The following NME7 variants were observed in gnomAD, a reference collection of about 807,000 sequenced individuals.
NME7 encodes NME/NM23 family member 7.
A neutral mutation model predicts 49.1 loss-of-function variants in NME7; 41 were observed. The observed-to-expected ratio is 0.83, with a 90% CI of 0.65 to 1.08. NME7 has a LOEUF of 1.08. Among genes scored for constraint, NME7 ranks in the 50% least tolerant of loss-of-function variants. The pLI, the probability that NME7 is intolerant of heterozygous loss-of-function variation, is 0.00. For missense variants in NME7, 423 were observed against 463.4 expected, an observed-to-expected ratio of 0.91 and a Z score of 0.80; for synonymous variants, 139 against 150.6, an observed-to-expected ratio of 0.92 and a Z score of 0.56.
intron 5 of NME7, among the ~76,000 whole-genome samples, chr1:169,301,439 A>G (rs1037898924): frequency 1.3e-5 from 2 of 152,106 alleles, no homozygotes; most frequent in Admixed American, 1.3e-4. Flanking sequence ...TGGCAAGACT[A>G]TAGAGGAAAG....
At chr1:169,277,394 GGATA>G (rs1453303626) in intron 7 of NME7, among the ~76,000 whole-genome samples, 1 of 140,180 alleles carries the variant, frequency 7.1e-6, no homozygotes, top group Non-Finnish European at 1.6e-5. Context: ...AATATATTTA[GGATA>G]GTTAGCTCTT....
Position 169,256,119 on chromosome 1 carries a change from A to G in NME7, c.755-18432T>C, listed in dbSNP as rs1227110235. On this transcript the variant is annotated intron_variant, in intron 7 of 11. Transcript: ENST00000367811. ...AATCTGAATGTTGGCCTGCCTTGCT[A>G]GATTGGGGAAGTTCTCCTGGATAAT... 1.5e-5 allele frequency among the ~76,000 whole-genome samples: 2 copies of G among 133,164 alleles called. 1 individual carries two copies. Among genetic ancestry groups the G allele is most frequent in the Non-Finnish European group, 3.5e-5 (2 of 56,756 alleles). The allele number at this position is 133,164 out of a possible 152,430, so 87.4% of individuals were successfully genotyped here. A position where few individuals can be genotyped will look rare whatever the true frequency, so the allele number is the denominator to read the frequency against.
chr1:169,194,814 C>T (rs142051871), intron 10 of NME7, among the ~76,000 whole-genome samples: 120 of 152,236 alleles, frequency 7.9e-4, no homozygotes, highest in Non-Finnish European at 1.4e-3. Flanking sequence ...AGAAAAAGTA[C>T]CTAATCCAAA....
chr1:169,353,417 T>C (rs1197738618), intron 1 of NME7, among the ~76,000 whole-genome samples: 1 of 152,096 alleles, frequency 6.6e-6, no homozygotes, highest in Non-Finnish European at 1.5e-5. Flanking sequence ...ATTAAAGACT[T>C]AAATTTAATA....
rs1293774569 is a variant in NME7, at chr1:169,324,409, T to G, written c.95A>C (p.Asp32Ala). 1.1e-5 allele frequency: 17 copies of G among 1,610,772 alleles called. No homozygotes were observed. The highest frequency in any genetic ancestry group is 1.7e-5 in the Admixed American group (1 of 59,976). Residue 32 changes from aspartate to alanine, a missense_variant, in exon 2 of 12, where the codon GAT becomes GCT. Transcript: ENST00000367811. ...RRYELLFYPGDGSVEMHDVKN... is the reference protein window; with the variant it reads ...RRYELLFYPGAGSVEMHDVKN... The stretch of plus-strand genomic sequence containing the variant: ...CTTATTTACCATTTCAACAGATCCA[T>G]CCCCTGGGTAAAATAAAAGCTCATA...
At chr1:169,246,843 T>G in intron 7 of NME7, 1 of 345,032 alleles carries the variant, frequency 2.9e-6, no homozygotes. Flanking sequence ...CCTCCCAAAG[T>G]GCTGGGATTA....
intron 6 of NME7, among the ~76,000 whole-genome samples, chr1:169,296,594 G>C (rs1650718113): frequency 1.3e-5 from 2 of 152,004 alleles, no homozygotes; most frequent in Non-Finnish European, 2.9e-5. Flanking sequence ...ACTCTAAGCT[G>C]TCACACTAAT....
At chr1:169,222,610 A>T (rs1171221989) in intron 10 of NME7, among the ~76,000 whole-genome samples, 1 of 152,182 alleles carries the variant, frequency 6.6e-6, no homozygotes, top group Non-Finnish European at 1.5e-5. Flanking sequence ...TGTTAAGACA[A>T]TAGAGGAACC....
At chr1:169,351,562 A>C (rs1653173127) in intron 1 of NME7, among the ~76,000 whole-genome samples, 1 of 151,998 alleles carries the variant, frequency 6.6e-6, no homozygotes, top group South Asian at 2.1e-4. Flanking sequence ...AATTAGAGGA[A>C]AAGAAATAAT....
intron 1 of NME7, among the ~76,000 whole-genome samples, chr1:169,335,672 T>A (rs1456599242): frequency 6.7e-6 from 1 of 148,294 alleles, no homozygotes; most frequent in East Asian, 1.9e-4. Context: ...CTGATTTTTT[T>A]AGAAGAAATA....
At chr1:169,164,400 T>G (rs1659344654) in intron 11 of NME7, among the ~76,000 whole-genome samples, 1 of 152,160 alleles carries the variant, frequency 6.6e-6, no homozygotes, top group Non-Finnish European at 1.5e-5. Flanking sequence ...AAACAGACAC[T>G]GTGCTGTAAT....
At chr1:169,300,731 A>C (rs1304592697) in intron 5 of NME7, among the ~76,000 whole-genome samples, 2 of 152,178 alleles carry the variant, frequency 1.3e-5, no homozygotes, top group Non-Finnish European at 1.5e-5. Flanking sequence ...TGGTACAAAA[A>C]CAGACACATA....
intron 9 of NME7, among the ~76,000 whole-genome samples, chr1:169,233,721 T>C (rs1399630685): frequency 2.0e-5 from 3 of 152,188 alleles, no homozygotes; most frequent in Non-Finnish European, 4.4e-5. Flanking sequence ...AAAGGTCATA[T>C]GTAATTGATT....
At chr1:169,319,046 TTTTAATTTTAA>T (rs1007363835) in intron 3 of NME7, among the ~76,000 whole-genome samples, 8 of 150,574 alleles carry the variant, frequency 5.3e-5, no homozygotes, top group South Asian at 2.1e-4. Flanking sequence ...TTAATTTTAA[TTTTAATTTTAA>T]TTTAATTTTT....
chr1:169,278,334 T>C (rs551436740), intron 7 of NME7, among the ~76,000 whole-genome samples: 36,196 of 151,300 alleles, frequency 0.24, 5,362 homozygotes, highest in Non-Finnish European at 0.34. Flanking sequence ...CAATCAGACA[T>C]AGATTTGGTC....
rs569235554 is a variant in NME7, at chr1:169,256,195, G to A, written c.755-18508C>T. ...GTTCCATTCTCCCCATCACTTTCAG[G>A]TACACCAATCAGACGTAGATTTGGT... On this transcript the variant is annotated intron_variant, in intron 7 of 11. Coordinates refer to ENST00000367811, the MANE Select transcript of NME7 (RefSeq NM_013330.5). Among the ~76,000 whole-genome samples the A allele has an allele frequency of 1.5e-5, 2 of 132,978 alleles. 1 individual carries two copies. Among genetic ancestry groups the A allele is most frequent in the South Asian group, 4.6e-4 (2 of 4,318 alleles). The allele number at this position is 132,978 out of a possible 152,430, so 87.2% of individuals were successfully genotyped here. A position where few individuals can be genotyped will look rare whatever the true frequency, so the allele number is the denominator to read the frequency against.
At chr1:169,148,263 C>T (rs1313393310) in intron 11 of NME7, among the ~76,000 whole-genome samples, 1 of 152,104 alleles carries the variant, frequency 6.6e-6, no homozygotes, top group Admixed American at 6.6e-5. Context: ...TTGGCCTCCC[C>T]AAGTGCTAGG....
chr1:169,155,657 C>G (rs1377100689), intron 11 of NME7, among the ~76,000 whole-genome samples: 2 of 151,722 alleles, frequency 1.3e-5, no homozygotes, highest in East Asian at 3.8e-4. Context: ...CCTTTTAAAA[C>G]AAAACGATGA....
intron 5 of NME7, chr1:169,302,079 A>T (rs60486111): frequency 0.3 from 44,667 of 150,266 alleles, 7,270 homozygotes; most frequent in Non-Finnish European, 0.38. Context: ...ATTTTTTTTT[A>T]AAAAAAAAGT....
Sources: gnomAD v4.1 joint callset for allele counts (sites outside exome capture counted in the v4.1 genomes callset) on GRCh38, gnomAD v4.1.1 for gene constraint, MANE v1.5 for transcripts, NCBI Gene and HGNC (gene_info 2026-07-23, HGNC 2026-07-21) for gene names.